Variants in SDK1 observed in about 807,000 individuals in gnomAD.
SDK1 encodes protein sidekick-1.
SDK1 carries 157 observed loss-of-function variants against 245.5 expected under a neutral mutation model. That is an observed-to-expected ratio of 0.64 (90% confidence interval 0.56 to 0.73). The LOEUF (loss-of-function observed/expected upper bound fraction) is 0.73, where lower values mean the gene tolerates loss of function less well. SDK1 is among the 30% of genes least tolerant of loss of function. SDK1 has a pLI of 0.00. For missense variants in SDK1, 3,583 were observed against 3,002.3 expected (o/e 1.19, Z -4.52); for synonymous variants, 1,647 against 1,278.5 (o/e 1.29, Z -6.15).
chr7:4,186,484 C>T (rs74477195), intron 35 of SDK1, among the ~76,000 whole-genome samples: 2 of 152,224 alleles, frequency 1.3e-5, no homozygotes, highest in East Asian at 3.8e-4. Context: ...TAGGCCGCCT[C>T]CTTGGAGCCT....
intron 2 of SDK1, among the ~76,000 whole-genome samples, chr7:3,634,051 T>G (rs926369843): frequency 1.3e-5 from 2 of 152,116 alleles, no homozygotes; most frequent in African/African-American, 4.8e-5. Context: ...AACCCCAGAT[T>G]TAAAAATCCA....
At chr7:4,210,275 G>C in intron 38 of SDK1, 113 bp downstream of exon 38, 3 of 1,127,472 alleles carry the variant, frequency 2.7e-6, no homozygotes, top group Non-Finnish European at 2.3e-6. Flanking sequence ...GCCTTCTGGC[G>C]CCTGAAGTGG....
chr7:3,470,087 A>G (rs1378424951), intron 1 of SDK1, among the ~76,000 whole-genome samples: 7 of 152,140 alleles, frequency 4.6e-5, no homozygotes, highest in Admixed American at 4.6e-4. Context: ...AAGATACTAG[A>G]GAGGGTCCAT....
intron 1 of SDK1, among the ~76,000 whole-genome samples, chr7:3,420,895 GCT>G (rs1447904984): frequency 1.3e-5 from 2 of 152,092 alleles, no homozygotes; most frequent in Non-Finnish European, 2.9e-5. Flanking sequence ...TTATCCTGAT[GCT>G]CTCTGTCCTT....
chr7:4,135,855 C>G (rs1779049248), intron 28 of SDK1, among the ~76,000 whole-genome samples: 1 of 152,184 alleles, frequency 6.6e-6, no homozygotes, highest in Admixed American at 6.5e-5. Context: ...GAGAGCTCCT[C>G]CTAGACCATT....
intron 14 of SDK1, among the ~76,000 whole-genome samples, chr7:4,007,400 T>G (rs1448250591): frequency 6.6e-6 from 1 of 152,014 alleles, no homozygotes. Context: ...AGAAAGAGCC[T>G]TACATTTGCT....
chr7:3,421,877 CTTGGAAAGTGGGCCAGA>C (rs755265818), intron 1 of SDK1, among the ~76,000 whole-genome samples: 19 of 152,136 alleles, frequency 1.2e-4, no homozygotes, highest in Non-Finnish European at 2.5e-4. Flanking sequence ...GCTTGAGACT[CTTGGAAAGTGGGCCAGA>C]TGCAGTGGCT....
intron 4 of SDK1, among the ~76,000 whole-genome samples, chr7:3,674,164 T>C (rs1241628140): frequency 6.6e-6 from 1 of 152,148 alleles, no homozygotes; most frequent in East Asian, 1.9e-4. Context: ...TCAAGAGCTA[T>C]ATCACTAAAA....
chr7:3,876,361 G>C (rs78156376), intron 5 of SDK1, among the ~76,000 whole-genome samples: 2,436 of 152,266 alleles, frequency 0.016, 77 homozygotes, highest in African/African-American at 0.056. Context: ...AATGCTGCAG[G>C]TCCTGTTTTG....
intron 5 of SDK1, among the ~76,000 whole-genome samples, chr7:3,874,461 G>A (rs74333710): frequency 1.0e-3 from 156 of 152,196 alleles, no homozygotes; most frequent in African/African-American, 3.7e-3. Context: ...TTCTGATTAA[G>A]CCTCAGGCTT....
intron 1 of SDK1, among the ~76,000 whole-genome samples, chr7:3,305,471 G>C (rs1232829311): frequency 1.3e-5 from 2 of 152,112 alleles, no homozygotes; most frequent in African/African-American, 4.8e-5. Flanking sequence ...GTACTAATTA[G>C]GCATTTCTGC....
chr7:4,032,747 A>G (rs1044750991), intron 17 of SDK1, among the ~76,000 whole-genome samples: 1 of 152,244 alleles, frequency 6.6e-6, no homozygotes, highest in Non-Finnish European at 1.5e-5. Flanking sequence ...TTAGAAAAGA[A>G]AAGAAAGCTG....
chr7:4,227,674 A>C (rs899528072), intron 40 of SDK1, among the ~76,000 whole-genome samples: 1 of 152,186 alleles, frequency 6.6e-6, no homozygotes, highest in East Asian at 1.9e-4. Context: ...ACCCTGTTTA[A>C]TTGTCCATGA....
At chr7:3,765,145 C>G (rs970185801) in intron 4 of SDK1, among the ~76,000 whole-genome samples, 3 of 151,880 alleles carry the variant, frequency 2.0e-5, no homozygotes, top group African/African-American at 2.4e-5. Flanking sequence ...TTAGCTTGTA[C>G]TAGAACAATA....
intron 4 of SDK1, among the ~76,000 whole-genome samples, chr7:3,717,813 A>C (rs1785245702): frequency 6.6e-6 from 1 of 152,230 alleles, no homozygotes; most frequent in South Asian, 2.1e-4. Flanking sequence ...AGATCATTTG[A>C]CTTGAGAAAT....
Position 3,458,114 on chromosome 7 carries a change from T to G in SDK1, c.298+156230T>G, listed in dbSNP as rs113596726. ...TTCCCTGTTGGAATACTCTTACTTGTCTTTTTCTTTGATGGTTTGAAATTT... is the reference window on the plus strand; with the variant it reads ...TTCCCTGTTGGAATACTCTTACTTGGCTTTTTCTTTGATGGTTTGAAATTT... On this transcript the variant is annotated intron_variant, in intron 1 of 44. Transcript: ENST00000404826. 6.8e-3 allele frequency among the ~76,000 whole-genome samples: 1,032 copies of G among 152,222 alleles called. 10 individuals are homozygous for G. The highest frequency in any genetic ancestry group is 0.011 in the Non-Finnish European group (732 of 68,010).
At chr7:3,850,967 C>A (rs1208332627) in intron 5 of SDK1, among the ~76,000 whole-genome samples, 2 of 152,244 alleles carry the variant, frequency 1.3e-5, no homozygotes, top group African/African-American at 2.4e-5. Flanking sequence ...TGTAACAAAC[C>A]TGCACGTTGT....
intron 5 of SDK1, among the ~76,000 whole-genome samples, chr7:3,908,807 G>A (rs924876607): frequency 6.6e-6 from 1 of 151,950 alleles, no homozygotes; most frequent in African/African-American, 2.4e-5. Flanking sequence ...CATTTTTGGG[G>A]GGACTTAGGA....
intron 1 of SDK1, among the ~76,000 whole-genome samples, chr7:3,360,099 C>T (rs1364347759): frequency 6.6e-6 from 1 of 152,204 alleles, no homozygotes; most frequent in Non-Finnish European, 1.5e-5. Flanking sequence ...CCTCTTATGT[C>T]ATGGCCTTCA....
Sources: gnomAD v4.1 joint callset for allele counts (sites outside exome capture counted in the v4.1 genomes callset) on GRCh38, gnomAD v4.1.1 for gene constraint, MANE v1.5 for transcripts, NCBI Gene and HGNC (gene_info 2026-07-23, HGNC 2026-07-21) for gene names.